The following BRINP3 variants were observed in gnomAD, a reference collection of about 807,000 sequenced individuals.
BRINP3 encodes BMP/retinoic acid-inducible neural-specific protein 3.
Under a neutral mutation model 71.0 loss-of-function variants are expected in BRINP3, and 19 were observed. The observed-to-expected ratio is 0.27, with a 90% CI of 0.19 to 0.39. The LOEUF (loss-of-function observed/expected upper bound fraction) is 0.39. Among genes scored for constraint, BRINP3 ranks in the 10% least tolerant of loss-of-function variants. BRINP3 has a pLI of 1.00. For synonymous variants in BRINP3, 380 were observed against 337.7 expected (o/e 1.13, Z -1.37); for missense variants, 959 against 940.8 (o/e 1.02, Z -0.25).
intron 4 of BRINP3, among the ~76,000 whole-genome samples, chr1:190,239,825 A>G (rs1658884210): frequency 6.6e-6 from 1 of 152,052 alleles, no homozygotes; most frequent in Non-Finnish European, 1.5e-5. Flanking sequence ...TCATACATAT[A>G]TCCTTTCAAA....
chr1:190,178,092 C>T (rs1253113529), intron 6 of BRINP3, among the ~76,000 whole-genome samples: 1 of 152,068 alleles, frequency 6.6e-6, no homozygotes, highest in Non-Finnish European at 1.5e-5. Flanking sequence ...ATTTTGGTAC[C>T]TTTCAGGGTC....
intron 6 of BRINP3, among the ~76,000 whole-genome samples, chr1:190,201,297 G>A (rs1390790467): frequency 1.3e-5 from 2 of 152,140 alleles, no homozygotes; most frequent in African/African-American, 2.4e-5. Flanking sequence ...CTTTGAGCTC[G>A]AGAGAGATGA....
At chr1:190,136,085 T>G (rs754647548) in intron 7 of BRINP3, among the ~76,000 whole-genome samples, 5 of 152,080 alleles carry the variant, frequency 3.3e-5, no homozygotes, top group Non-Finnish European at 2.9e-5. Flanking sequence ...AAGAGGCACA[T>G]GCCCTGGTTT....
intron 2 of BRINP3, among the ~76,000 whole-genome samples, chr1:190,443,388 G>A (rs1674969561): frequency 6.8e-6 from 1 of 147,416 alleles, no homozygotes; most frequent in African/African-American, 2.5e-5. Context: ...CTGGGCGACA[G>A]AGCAAGACTC....
chr1:190,348,539 T>A (rs1477332906), intron 2 of BRINP3, among the ~76,000 whole-genome samples: 1 of 152,158 alleles, frequency 6.6e-6, no homozygotes, highest in African/African-American at 2.4e-5. Context: ...TCCTGATATA[T>A]CTGAATGGTT....
intron 6 of BRINP3, among the ~76,000 whole-genome samples, chr1:190,163,075 T>C (rs922683337): frequency 6.6e-6 from 1 of 152,224 alleles, no homozygotes; most frequent in African/African-American, 2.4e-5. Context: ...CCCCCGGAAA[T>C]ATTCCTGTGG....
At chr1:190,238,085 T>C (rs1468887517) in intron 4 of BRINP3, among the ~76,000 whole-genome samples, 1 of 152,086 alleles carries the variant, frequency 6.6e-6, no homozygotes, top group Non-Finnish European at 1.5e-5. Context: ...ATACCAGTTA[T>C]TTAATTTTAT....
intron 4 of BRINP3, among the ~76,000 whole-genome samples, chr1:190,261,250 A>G (rs1661160009): frequency 6.6e-6 from 1 of 152,024 alleles, no homozygotes; most frequent in African/African-American, 2.4e-5. Context: ...TAATTTTTTG[A>G]ATAACTTAAG....
chr1:190,240,570 A>T (rs1255732070), intron 4 of BRINP3, among the ~76,000 whole-genome samples: 1 of 152,118 alleles, frequency 6.6e-6, no homozygotes, highest in Middle Eastern at 3.4e-3. Flanking sequence ...GAATTAGGGT[A>T]TTAAAACTCT....
intron 6 of BRINP3, among the ~76,000 whole-genome samples, chr1:190,169,790 T>C (rs1651856177): frequency 6.6e-6 from 1 of 152,166 alleles, no homozygotes; most frequent in Admixed American, 6.5e-5. Flanking sequence ...TTTATATAAT[T>C]AGTCATAAAT....
At chr1:190,232,124 T>A (rs1045395761) in intron 5 of BRINP3, among the ~76,000 whole-genome samples, 2 of 152,014 alleles carry the variant, frequency 1.3e-5, no homozygotes. Context: ...TATCTATTTA[T>A]CTATCATCTA....
intron 2 of BRINP3, among the ~76,000 whole-genome samples, chr1:190,417,710 A>T (rs1483115911): frequency 6.6e-6 from 1 of 152,160 alleles, no homozygotes; most frequent in Non-Finnish European, 1.5e-5. Context: ...ATAGACTTTT[A>T]AAAAACTTGT....
chr1:190,151,901 G>A (rs1209780445), intron 7 of BRINP3, among the ~76,000 whole-genome samples: 4 of 152,080 alleles, frequency 2.6e-5, no homozygotes, highest in South Asian at 2.1e-4. Context: ...AAAAGATGAC[G>A]TGACACTGAT....
chr1:190,107,827 C>A lies in BRINP3; in HGVS notation c.1185-8693G>T, dbSNP rs191622346. Among the ~76,000 whole-genome samples, 255 of 151,854 alleles carry A rather than the reference C, an allele frequency of 1.7e-3. 4 individuals are homozygous for A. In the East Asian group the frequency reaches 0.039, roughly 23 times the overall value. On this transcript the variant is annotated intron_variant, in intron 7 of 7. Transcript: ENST00000367462. ...GTAACAGTGAACACTCTTAAAAACTCTTTTACTGGGGAAAATCAAATAATT... is the reference window on the plus strand; with the variant it reads ...GTAACAGTGAACACTCTTAAAAACTATTTTACTGGGGAAAATCAAATAATT...
chr1:190,194,157 T>C (rs1571324742), intron 6 of BRINP3, among the ~76,000 whole-genome samples: 1 of 152,168 alleles, frequency 6.6e-6, no homozygotes, highest in Middle Eastern at 3.4e-3. Flanking sequence ...AGGGAGTCCA[T>C]GGAGAAGTAC....
At chr1:190,457,353 A>G (rs1325029177) in intron 1 of BRINP3, among the ~76,000 whole-genome samples, 1 of 152,168 alleles carries the variant, frequency 6.6e-6, no homozygotes, top group Admixed American at 6.6e-5. Context: ...CTGAAGCACG[A>G]GAATTTCTCG....
At chr1:190,403,921 T>A (rs1419322504) in intron 2 of BRINP3, among the ~76,000 whole-genome samples, 3 of 152,186 alleles carry the variant, frequency 2.0e-5, no homozygotes, top group Admixed American at 2.0e-4. Flanking sequence ...GATAGCAATG[T>A]GTATTTTAAG....
chr1:190,390,198 A>G (rs1383952807), intron 2 of BRINP3, among the ~76,000 whole-genome samples: 1 of 151,698 alleles, frequency 6.6e-6, no homozygotes, highest in Non-Finnish European at 1.5e-5. Context: ...ATAATGCTAC[A>G]TTCATCATAT....
At chr1:190,399,784 G>A (rs1237773970) in intron 2 of BRINP3, among the ~76,000 whole-genome samples, 2 of 151,956 alleles carry the variant, frequency 1.3e-5, no homozygotes, top group African/African-American at 4.8e-5. Flanking sequence ...TCTGAGATAA[G>A]ACACATAAGC....
Sources: gnomAD v4.1 joint callset for allele counts (sites outside exome capture counted in the v4.1 genomes callset) on GRCh38, gnomAD v4.1.1 for gene constraint, MANE v1.5 for transcripts, NCBI Gene and HGNC (gene_info 2026-07-23, HGNC 2026-07-21) for gene names.